The following EML4 variants were observed in gnomAD, a reference collection of about 807,000 sequenced individuals.
EML4 encodes echinoderm microtubule-associated protein-like 4.
Under a neutral mutation model 129.0 loss-of-function variants are expected in EML4, and 72 were observed. That is an observed-to-expected ratio of 0.56 (90% CI 0.46 to 0.68). The LOEUF is 0.68. EML4 is among the 30% of genes least tolerant of loss of function. EML4 has a pLI of 0.00. For missense variants in EML4, 1,363 were observed against 1,190.6 expected (o/e 1.14, Z -2.13); for synonymous variants, 532 against 405.0 (o/e 1.31, Z -3.77).
In EML4 at chr2:42,233,734, T is replaced by A. The variant is rs139554992; in HGVS notation, c.26-11771T>A. ...CTTAGCAAAATGTTTATAATGAATC[T>A]TAATATCTTAATATTTTGGTTTTAA... On this transcript the variant is annotated intron_variant, in intron 1 of 22. Transcript: ENST00000318522. Among the ~76,000 whole-genome samples the A allele has an allele frequency of 1.6e-4, 24 of 152,346 alleles. No individual in the cohort carries two copies. The East Asian group carries it at 4.4e-3, about 28-fold the overall frequency.
At chr2:42,236,679 A>G (rs1425863092) in intron 1 of EML4, among the ~76,000 whole-genome samples, 1 of 151,322 alleles carries the variant, frequency 6.6e-6, no homozygotes, top group African/African-American at 2.4e-5. Context: ...ACACAGTGGA[A>G]TTGCTGGGTC....
intron 14 of EML4, 105 bp from the exon 15 acceptor site, chr2:42,302,999 T>G: frequency 8.5e-7 from 1 of 1,175,510 alleles, no homozygotes; most frequent in Non-Finnish European, 1.2e-6. Context: ...AATTTGGGCT[T>G]TCGTCATAAT....
At chr2:42,237,335 G>C (rs1674741845) in intron 1 of EML4, among the ~76,000 whole-genome samples, 2 of 152,124 alleles carry the variant, frequency 1.3e-5, no homozygotes, top group African/African-American at 4.8e-5. Flanking sequence ...CCAAACATCT[G>C]AATTCCATTG....
intron 19 of EML4, among the ~76,000 whole-genome samples, chr2:42,319,168 G>A (rs181388133): frequency 7.9e-5 from 12 of 152,288 alleles, no homozygotes; most frequent in Admixed American, 7.2e-4. Flanking sequence ...ATCTTGTGAC[G>A]TAATGGCAGA....
chr2:42,307,574 T>C (rs986442911), intron 17 of EML4, among the ~76,000 whole-genome samples: 1 of 152,252 alleles, frequency 6.6e-6, no homozygotes, highest in Non-Finnish European at 1.5e-5. Flanking sequence ...GGAAAAATCT[T>C]AATGTAGCCA....
intron 4 of EML4, chr2:42,261,655 G>A (rs1284308037): frequency 6.2e-6 from 1 of 161,048 alleles, no homozygotes; most frequent in Non-Finnish European, 1.4e-5. Context: ...GATAGAAAAT[G>A]GCCATATGTA....
chr2:42,245,615 G>A lies in EML4; in HGVS notation c.136G>A (p.Ala46Thr). The change falls in exon 2 of 23, where the codon GCT becomes ACT. Residue 46 changes from alanine to threonine, a missense_variant. Transcript: ENST00000318522. ...DEITVLKAAL[A>T]DVLRRLAISE... Reference sequence around the variant, plus strand: ...AATCACTGTGCTAAAGGCGGCTTTGGCTGATGTTTTGAGGCGTCTTGCAAT... The same window carrying A: ...AATCACTGTGCTAAAGGCGGCTTTGACTGATGTTTTGAGGCGTCTTGCAAT... 4 of 1,613,726 alleles carry A rather than the reference G, an allele frequency of 2.5e-6. No individual in the cohort carries two copies. Among genetic ancestry groups the A allele is most frequent in the Non-Finnish European group, 3.4e-6 (4 of 1,179,812 alleles).
chr2:42,191,745 C>G (rs1468918799), intron 1 of EML4, among the ~76,000 whole-genome samples: 1 of 152,120 alleles, frequency 6.6e-6, no homozygotes, highest in Non-Finnish European at 1.5e-5. Context: ...GTTTTATCAC[C>G]ACCTCAAACT....
chr2:42,216,454 G>T (rs1673198488), intron 1 of EML4, among the ~76,000 whole-genome samples: 1 of 151,152 alleles, frequency 6.6e-6, no homozygotes, highest in Non-Finnish European at 1.5e-5. Flanking sequence ...TCTTGGCCAG[G>T]CTGGTCTTGA....
chr2:42,284,572 C>A, intron 8 of EML4, 62 bp from the exon 9 acceptor site: 1 of 1,192,764 alleles, frequency 8.4e-7, no homozygotes, highest in Non-Finnish European at 1.2e-6. Context: ...AATGTCAGTA[C>A]AAAGGTATTC....
At chr2:42,304,636 A>T in intron 17 of EML4, 85 bp downstream of exon 17, 1 of 1,017,016 alleles carries the variant, frequency 9.8e-7, no homozygotes, top group South Asian at 1.3e-5. Context: ...GATCTGGAGA[A>T]TTAATCTCTT....
chr2:42,256,213 T>C (rs563559051), intron 2 of EML4, among the ~76,000 whole-genome samples: 4 of 152,314 alleles, frequency 2.6e-5, no homozygotes, highest in African/African-American at 9.6e-5. Context: ...TCATGTGTTA[T>C]AAGGCTGCTG....
At chr2:42,286,099 A>G in intron 9 of EML4, 170 bp from the exon 10 acceptor site, 1 of 637,398 alleles carries the variant, frequency 1.6e-6, no homozygotes, top group Non-Finnish European at 2.9e-6. Flanking sequence ...TTATTTTCAC[A>G]GTATAAGAAA....
chr2:42,327,446 A>G (rs1301932233), intron 21 of EML4, among the ~76,000 whole-genome samples: 3 of 152,232 alleles, frequency 2.0e-5, no homozygotes, highest in Non-Finnish European at 4.4e-5. Context: ...GACTACATTT[A>G]CATTTCCACC....
chr2:42,301,912 G>C (rs916732783), intron 14 of EML4, among the ~76,000 whole-genome samples: 1 of 152,000 alleles, frequency 6.6e-6, no homozygotes, highest in African/African-American at 2.4e-5. Flanking sequence ...GTTAATAAAA[G>C]CTATACAATC....
At chr2:42,295,786 A>G (rs983403452) in intron 13 of EML4, among the ~76,000 whole-genome samples, 3 of 152,230 alleles carry the variant, frequency 2.0e-5, no homozygotes, top group African/African-American at 7.2e-5. Context: ...GATATATGTT[A>G]GTTTAAAAAG....
At chr2:42,294,961 C>T (rs1209792751) in intron 11 of EML4, among the ~76,000 whole-genome samples, 164 bp from the exon 12 acceptor site, 1 of 152,060 alleles carries the variant, frequency 6.6e-6, no homozygotes, top group East Asian at 1.9e-4. Context: ...TTTAAATCAT[C>T]CCAAAAAATA....
intron 1 of EML4, among the ~76,000 whole-genome samples, chr2:42,188,608 C>T (rs1190929114): frequency 2.0e-5 from 3 of 151,836 alleles, no homozygotes; most frequent in Admixed American, 6.6e-5. Context: ...TGCAGTGGTG[C>T]GATCTTGGCT....
intron 19 of EML4, among the ~76,000 whole-genome samples, chr2:42,324,585 C>A (rs890064841): frequency 6.6e-5 from 10 of 152,176 alleles, no homozygotes; most frequent in Non-Finnish European, 1.5e-4. Flanking sequence ...CACCATTGTA[C>A]TCCAGCCTTG....
Sources: allele counts gnomAD v4.1 joint callset (sites outside exome capture counted in the v4.1 genomes callset), GRCh38; gene constraint gnomAD v4.1.1; transcripts MANE v1.5; gene names NCBI Gene and HGNC (gene_info 2026-07-23, HGNC 2026-07-21).